The following RIPOR2 variants were observed in gnomAD, a reference collection of about 807,000 sequenced individuals.
RIPOR2 encodes RHO family interacting cell polarization regulator 2.
Under a neutral mutation model 114.5 loss-of-function variants are expected in RIPOR2, and 39 were observed. The observed-to-expected ratio is 0.34, with a 90% CI of 0.26 to 0.44. The LOEUF is 0.44. Ranked by LOEUF, RIPOR2 falls within the 20% of genes least tolerant of loss-of-function variation. The pLI is 1.00. For missense variants in RIPOR2, 1,007 were observed against 1,255.1 expected (o/e 0.80, Z 2.99); for synonymous variants, 445 against 484.4 (o/e 0.92, Z 1.07).
chr6:24,809,674 G>T, intron 21 of RIPOR2, 43 bp downstream of exon 21: 2 of 1,283,920 alleles, frequency 1.6e-6, no homozygotes, highest in Non-Finnish European at 2.2e-6. Flanking sequence ...GTTAGAGAGT[G>T]CCAGAAGCAA....
At position 24,860,968 on chromosome 6, in the gene RIPOR2, A is replaced by G; in HGVS notation, c.715+5T>C. The G allele has an allele frequency of 1.3e-6, 2 of 1,580,972 alleles. No homozygotes were observed. Among genetic ancestry groups the G allele is most frequent in the Non-Finnish European group, 1.7e-6 (2 of 1,152,704 alleles). ...CTTATTCTCTCTAAACAAGGAAAAT[A>G]ATACCTTTCATCTTGATGGAGAATT... On this transcript the variant is annotated splice_donor_5th_base_variant and intron_variant, in intron 8 of 21. Transcript: ENST00000643898.
intron 1 of RIPOR2, among the ~76,000 whole-genome samples, chr6:24,953,995 GAT>G (rs1772912091): frequency 2.0e-5 from 3 of 152,190 alleles, no homozygotes; most frequent in African/African-American, 7.2e-5. Context: ...GGGAAAGAAG[GAT>G]ATGCTTTCTT....
At chr6:24,860,887 A>G in intron 8 of RIPOR2, 86 bp downstream of exon 8, 2 of 852,674 alleles carry the variant, frequency 2.3e-6, no homozygotes, top group African/African-American at 1.7e-5. Flanking sequence ...CAAGGAAAAT[A>G]AAAATAGCAT....
chr6:25,036,067 G>A (rs1025402726), intron 1 of RIPOR2, among the ~76,000 whole-genome samples: 4 of 152,134 alleles, frequency 2.6e-5, no homozygotes, highest in Non-Finnish European at 5.9e-5. Context: ...ACAGTCCAGG[G>A]CATCGTCTGT....
intron 1 of RIPOR2, among the ~76,000 whole-genome samples, chr6:24,913,525 C>T (rs886818678): frequency 1.3e-5 from 2 of 152,110 alleles, no homozygotes; most frequent in African/African-American, 4.8e-5. Flanking sequence ...ACTGAGGGAC[C>T]AGGCAGCACA....
At chr6:24,983,948 C>T (rs1774419581) in intron 1 of RIPOR2, among the ~76,000 whole-genome samples, 1 of 151,782 alleles carries the variant, frequency 6.6e-6, no homozygotes, top group African/African-American at 2.4e-5. Context: ...GGTGGAGCAC[C>T]CCATTTTTTG....
chr6:24,875,688 T>G lies in RIPOR2; in HGVS notation c.188+3A>C. 1 of 1,611,962 alleles carries G rather than the reference T, an allele frequency of 6.2e-7. No individual in the cohort carries two copies. The highest frequency in any genetic ancestry group is 8.5e-7 in the Non-Finnish European group (1 of 1,179,186). ...TCCCGGGAGAGAACCACACAGTACT[T>G]GCCTGGATCGCCTTTCCTGGAGGCC... is the stretch of plus-strand genomic sequence containing the variant. On this transcript the variant is annotated splice_donor_region_variant and intron_variant, in intron 2 of 21. Transcript: ENST00000643898.
chr6:25,038,495 A>G (rs160046), intron 1 of RIPOR2, among the ~76,000 whole-genome samples: 1 of 151,954 alleles, frequency 6.6e-6, no homozygotes, highest in African/African-American at 2.4e-5. Context: ...TTTAAAGAAG[A>G]GTCTATAAGC....
At chr6:24,877,867 G>A (rs922962657) in intron 1 of RIPOR2, among the ~76,000 whole-genome samples, 1 of 152,144 alleles carries the variant, frequency 6.6e-6, no homozygotes, top group African/African-American at 2.4e-5. Context: ...TTTAAAGAGA[G>A]TAGGGGTATG....
intron 1 of RIPOR2, among the ~76,000 whole-genome samples, chr6:24,960,101 T>C (rs186919233): frequency 7.7e-4 from 117 of 152,322 alleles, no homozygotes; most frequent in African/African-American, 2.6e-3. Flanking sequence ...TTAGTTCATT[T>C]TTAGTTACTT....
Position 24,872,939 on chromosome 6 carries a change from TG to T in RIPOR2, c.364del (p.Gln122ArgfsTer7). ...NGLDEYLEVHQTELDKLTAQL... is the reference protein window; with the variant it reads ...NGLDEYLEVHXTELDKLTAQL... ...AGCTGTCAACTTGTCCAGCTCCGTC[TG>T]GTGAACCTCCAGATATTCACTGCAA... On this transcript the variant is annotated frameshift_variant, in exon 4 of 22. Transcript: ENST00000643898. LOFTEE classifies it high-confidence loss of function. 1 of 1,611,382 alleles carries T rather than the reference TG, an allele frequency of 6.2e-7. No individual in the cohort carries two copies. The highest frequency in any genetic ancestry group is 1.3e-5 in the African/African-American group (1 of 75,030).
intron 1 of RIPOR2, among the ~76,000 whole-genome samples, chr6:25,005,205 G>A (rs1294248627): frequency 6.6e-6 from 1 of 152,214 alleles, no homozygotes; most frequent in Admixed American, 6.5e-5. Context: ...ACTTCACACT[G>A]TTGTGGTCAC....
At chr6:24,912,337 C>G (rs550274103) in intron 1 of RIPOR2, among the ~76,000 whole-genome samples, 84 of 152,192 alleles carry the variant, frequency 5.5e-4, no homozygotes, top group African/African-American at 1.8e-3. Context: ...TTTCCCTTGC[C>G]AACCCCACCC....
intron 1 of RIPOR2, chr6:24,947,922 A>G (rs1772516307): frequency 6.6e-6 from 1 of 152,158 alleles, no homozygotes; most frequent in Non-Finnish European, 1.5e-5. Context: ...TATAGAGCTC[A>G]CTTTCCATGA....
intron 1 of RIPOR2, among the ~76,000 whole-genome samples, chr6:25,005,757 A>G (rs1775539016): frequency 7.5e-6 from 1 of 133,656 alleles, no homozygotes; most frequent in Non-Finnish European, 1.7e-5. Context: ...ACCGATCAAA[A>G]GATATGCCAT....
chr6:24,837,281 C>T (rs1761205068), intron 14 of RIPOR2, among the ~76,000 whole-genome samples: 1 of 152,082 alleles, frequency 6.6e-6, no homozygotes, highest in Non-Finnish European at 1.5e-5. Flanking sequence ...CACCACCATG[C>T]CTGGCTAATT....
chr6:24,954,455 CCTTTTT>C (rs1772935527), intron 1 of RIPOR2, among the ~76,000 whole-genome samples: 1 of 116,252 alleles, frequency 8.6e-6, no homozygotes, highest in Non-Finnish European at 1.7e-5. Context: ...GTCTCTCTCT[CCTTTTT>C]TTTTTTTTTT....
chr6:24,839,897 T>C, intron 13 of RIPOR2: 2 of 984,430 alleles, frequency 2.0e-6, no homozygotes, highest in South Asian at 6.8e-5. Flanking sequence ...TGGTTCAAAT[T>C]CACCTAGCCC....
At chr6:24,835,956 A>C in intron 14 of RIPOR2, 85 bp from the exon 15 acceptor site, 1 of 1,251,278 alleles carries the variant, frequency 8.0e-7, no homozygotes. Context: ...TCGGGCCCCA[A>C]CAGCACCCAC....
Sources: allele counts gnomAD v4.1 joint callset (sites outside exome capture counted in the v4.1 genomes callset), GRCh38; gene constraint gnomAD v4.1.1; transcripts MANE v1.5; gene names NCBI Gene and HGNC (gene_info 2026-07-23, HGNC 2026-07-21).